KALRN: variants seen among roughly 807,000 people sequenced by gnomAD.
The protein encoded by KALRN is kalirin.
KALRN carries 70 observed loss-of-function variants against 353.7 expected under a neutral mutation model. The ratio of observed to expected loss-of-function variants is 0.20; its 90% CI spans 0.16 to 0.24. The LOEUF is 0.24. Ranked by LOEUF, KALRN falls within the 10% of genes least tolerant of loss-of-function variation. The pLI is 1.00. For missense variants in KALRN, 2,791 were observed against 3,756.7 expected (o/e 0.74, Z 6.72); for synonymous variants, 1,391 against 1,434.8 (o/e 0.97, Z 0.69).
chr3:124,592,681 C>T (rs2075917862), intron 34 of KALRN, among the ~76,000 whole-genome samples: 1 of 152,236 alleles, frequency 6.6e-6, no homozygotes, highest in Non-Finnish European at 1.5e-5. Flanking sequence ...TTCACTGAGG[C>T]TCCACCAGTA....
intron 10 of KALRN, among the ~76,000 whole-genome samples, chr3:124,352,152 T>G (rs977358310): frequency 6.6e-6 from 1 of 152,088 alleles, no homozygotes; most frequent in South Asian, 2.1e-4. Flanking sequence ...GGCCACCGAG[T>G]AGTTTTTAAG....
chr3:124,599,637 T>C (rs942111802), intron 34 of KALRN, among the ~76,000 whole-genome samples: 1 of 152,224 alleles, frequency 6.6e-6, no homozygotes, highest in Non-Finnish European at 1.5e-5. Flanking sequence ...TCTGTAACAT[T>C]TGGGACGTTG....
chr3:124,090,833 G>C (rs767344765), intron 1 of KALRN, among the ~76,000 whole-genome samples: 2 of 152,290 alleles, frequency 1.3e-5, no homozygotes, highest in African/African-American at 2.4e-5. Flanking sequence ...ATAACCAACC[G>C]TCTAAGGTGA....
intron 33 of KALRN, among the ~76,000 whole-genome samples, chr3:124,507,049 A>G (rs1404718228): frequency 6.6e-6 from 1 of 152,228 alleles, no homozygotes; most frequent in Non-Finnish European, 1.5e-5. Context: ...TAGCCTGAAT[A>G]TGCCCAATTT....
chr3:124,477,353 T>TAAG lies in KALRN; in HGVS notation c.4191+19_4191+20insAAG, dbSNP rs756088274. 1 of 1,573,210 alleles carries TAAG rather than the reference T, an allele frequency of 6.4e-7. No individual in the cohort carries two copies. Among genetic ancestry groups the TAAG allele is most frequent in the South Asian group, 1.1e-5 (1 of 89,944 alleles). On this transcript the variant is annotated intron_variant, in intron 27 of 59. Transcript: ENST00000682506. ...CTTTGATGTAAGCTGTGTTTTCCAT[T>TAAG]CTTGAGCAGCTGATGAGCAGGTGGA...
chr3:124,523,545 A>G (rs537251118), intron 33 of KALRN, among the ~76,000 whole-genome samples: 1 of 152,382 alleles, frequency 6.6e-6, no homozygotes, highest in East Asian at 1.9e-4. Flanking sequence ...AATAGAAAAG[A>G]CATTTTGATT....
At chr3:124,349,738 T>G (rs1413918652) in intron 10 of KALRN, among the ~76,000 whole-genome samples, 3 of 152,118 alleles carry the variant, frequency 2.0e-5, no homozygotes, top group African/African-American at 7.2e-5. Flanking sequence ...AAAGAAAGCC[T>G]CATAGCCAAT....
intron 27 of KALRN, among the ~76,000 whole-genome samples, chr3:124,478,699 C>T (rs1360208976): frequency 6.6e-6 from 1 of 152,130 alleles, no homozygotes; most frequent in East Asian, 1.9e-4. Context: ...AATCTTTTTC[C>T]CTTAGGATGC....
Position 124,632,449 on chromosome 3 carries a change from G to A in KALRN, c.5212G>A (p.Gly1738Arg), listed in dbSNP as rs759848460. The change falls in exon 35 of 60, where the codon GGA (glycine) becomes AGA (arginine). Residue 1738 changes from glycine (G) to arginine (R), a missense_variant. Around this residue, in one of 11 missense-constraint regions of KALRN, gnomAD observed 1,065 missense variants for 1,156.4 expected, o/e 0.92. Transcript: ENST00000682506. The stretch of plus-strand genomic sequence containing the variant: ...ATACTCTCATTCCTCAAGCGAGAAT[G>A]GAGGCAAGTCCGAGTCCGTGGCCAA... ...DAYSHSSSEN[G>R]GKSESVANLQ... 6.2e-7 allele frequency: 1 copy of A among 1,613,950 alleles called. No homozygotes were observed. The highest frequency in any genetic ancestry group is 1.1e-5 in the South Asian group (1 of 91,070).
intron 34 of KALRN, among the ~76,000 whole-genome samples, chr3:124,589,701 G>A (rs553436304): frequency 3.9e-5 from 6 of 152,274 alleles, no homozygotes; most frequent in African/African-American, 9.6e-5. Flanking sequence ...TACCATGATG[G>A]AAACTGAATT....
At chr3:124,702,255 CG>C (rs1388375788) in intron 57 of KALRN, 139 bp downstream of exon 57, 2 of 512,764 alleles carry the variant, frequency 3.9e-6, no homozygotes, top group African/African-American at 3.8e-5. Context: ...CTAAAATATT[CG>C]TTTGTATTTT....
chr3:124,277,996 A>ATGTGTGTGTGTGTG (rs3054178), intron 5 of KALRN, among the ~76,000 whole-genome samples: 12,816 of 146,000 alleles, frequency 0.088, 880 homozygotes, highest in East Asian at 0.37. Context: ...GAGATGAACT[A>ATGTGTGTGTGTGTG]TGTGTGTGTG....
At chr3:124,264,792 C>G in intron 4 of KALRN, 102 bp downstream of exon 4, 1 of 1,006,552 alleles carries the variant, frequency 9.9e-7, no homozygotes, top group Non-Finnish European at 1.5e-6. Context: ...GTATGTGACA[C>G]CTCAAGGGCT....
intron 57 of KALRN, among the ~76,000 whole-genome samples, chr3:124,711,854 AT>A (rs2062902811): frequency 6.6e-6 from 1 of 152,250 alleles, no homozygotes; most frequent in Non-Finnish European, 1.5e-5. Flanking sequence ...GTTCATGATT[AT>A]TGAAGTTGGC....
At chr3:124,197,253 A>T (rs938927919) in intron 1 of KALRN, among the ~76,000 whole-genome samples, 2 of 152,140 alleles carry the variant, frequency 1.3e-5, no homozygotes, top group Non-Finnish European at 2.9e-5. Context: ...TGTATTCTAT[A>T]TTGTAAGTTT....
chr3:124,166,485 A>T (rs959086852), intron 1 of KALRN, among the ~76,000 whole-genome samples: 2 of 152,154 alleles, frequency 1.3e-5, no homozygotes, highest in African/African-American at 2.4e-5. Flanking sequence ...ACATTTTCTT[A>T]ATTTCCAGCT....
intron 32 of KALRN, among the ~76,000 whole-genome samples, chr3:124,495,120 G>C (rs922123691): frequency 6.6e-6 from 1 of 152,150 alleles, no homozygotes; most frequent in Non-Finnish European, 1.5e-5. Context: ...TGTGTGGTCC[G>C]GGGCCCAGGA....
intron 42 of KALRN, 107 bp from the exon 43 acceptor site, chr3:124,659,258 C>A: frequency 1.3e-6 from 1 of 789,650 alleles, no homozygotes; most frequent in Non-Finnish European, 2.2e-6. Context: ...GATTCTTCAA[C>A]TTCATTGGAA....
chr3:124,143,254 A>G (rs1372096431), intron 1 of KALRN, among the ~76,000 whole-genome samples: 2 of 152,114 alleles, frequency 1.3e-5, no homozygotes, highest in African/African-American at 4.8e-5. Context: ...GAAAAGGCAC[A>G]TATTTCTTCA....
Sources: gnomAD v4.1 joint callset for allele counts (sites outside exome capture counted in the v4.1 genomes callset) on GRCh38, gnomAD v4.1.1 for gene constraint, gnomAD v4.1.1 regional missense constraint, MANE v1.5 for transcripts, NCBI Gene and HGNC (gene_info 2026-07-23, HGNC 2026-07-21) for gene names.